SLX4IP: variants seen among roughly 807,000 people sequenced by gnomAD.
The protein encoded by SLX4IP is protein SLX4IP.
A neutral mutation model predicts 32.9 loss-of-function variants in SLX4IP; 34 were observed. That is an observed-to-expected ratio of 1.03 (90% CI 0.79 to 1.38). The LOEUF (loss-of-function observed/expected upper bound fraction) is 1.38. Among genes scored for constraint, SLX4IP ranks in the 40% most tolerant of loss-of-function variants. SLX4IP has a pLI of 0.00. For missense variants in SLX4IP, 444 were observed against 479.0 expected (o/e 0.93, Z 0.68); for synonymous variants, 172 against 171.7 (o/e 1.00, Z -0.01).
At chr20:10,557,510 A>G (rs934295369) in intron 3 of SLX4IP, among the ~76,000 whole-genome samples, 23 of 152,202 alleles carry the variant, frequency 1.5e-4, no homozygotes, top group Admixed American at 2.6e-4. Context: ...TTACCTTCAT[A>G]TAATTCCACT....
intron 4 of SLX4IP, among the ~76,000 whole-genome samples, chr20:10,561,910 C>A (rs1294645230): frequency 1.3e-5 from 2 of 152,146 alleles, no homozygotes; most frequent in East Asian, 1.9e-4. Flanking sequence ...TTGGGCTCAT[C>A]CGTGTTGCTA....
chr20:10,509,696 AT>A lies in SLX4IP; in HGVS notation c.28-46519del, dbSNP rs1168309591. On this transcript the variant is annotated intron_variant, in intron 2 of 7. Transcript: ENST00000334534. ...GGTCCCGCATTGGGATGATGAATAC[AT>A]TTTTTTTTTTTTTTTAAGCCACAGA... Among the ~76,000 whole-genome samples the A allele has an allele frequency of 7.0e-3, 999 of 142,636 alleles. 1 individual carries two copies. Among genetic ancestry groups the A allele is most frequent in the East Asian group, 7.9e-3 (39 of 4,924 alleles). The allele number at this position is 142,636 out of a possible 152,430, so 93.6% of individuals were successfully genotyped here.
chr20:10,561,347 A>G (rs192229639), intron 4 of SLX4IP, among the ~76,000 whole-genome samples: 23 of 152,110 alleles, frequency 1.5e-4, no homozygotes, highest in Admixed American at 7.2e-4. Context: ...GTAGTCTTAT[A>G]TCCATTAGCT....
intron 2 of SLX4IP, among the ~76,000 whole-genome samples, chr20:10,480,117 G>T (rs1180521505): frequency 1.3e-5 from 2 of 152,136 alleles, no homozygotes; most frequent in African/African-American, 4.8e-5. Flanking sequence ...CACTCGGTTG[G>T]GTGCGGTGGC....
chr20:10,450,755 T>G (rs928858816), intron 1 of SLX4IP, among the ~76,000 whole-genome samples: 1 of 152,220 alleles, frequency 6.6e-6, no homozygotes, highest in African/African-American at 2.4e-5. Context: ...GCCTAGTGGT[T>G]TTTTTGTTTG....
At chr20:10,557,038 G>C (rs2066273898) in intron 3 of SLX4IP, among the ~76,000 whole-genome samples, 1 of 152,168 alleles carries the variant, frequency 6.6e-6, no homozygotes, top group African/African-American at 2.4e-5. Flanking sequence ...TCTGATCCCT[G>C]CTCACCAGAG....
chr20:10,452,504 A>G (rs934797253), intron 1 of SLX4IP, among the ~76,000 whole-genome samples: 2 of 151,692 alleles, frequency 1.3e-5, no homozygotes, highest in Non-Finnish European at 2.9e-5. Flanking sequence ...TGTCTCTACT[A>G]AAAATACATA....
At chr20:10,463,451 C>T (rs1358279525) in intron 2 of SLX4IP, among the ~76,000 whole-genome samples, 1 of 152,058 alleles carries the variant, frequency 6.6e-6, no homozygotes, top group Non-Finnish European at 1.5e-5. Flanking sequence ...TCAGAGAGAC[C>T]TTGCTGCTGC....
intron 2 of SLX4IP, among the ~76,000 whole-genome samples, chr20:10,485,365 G>A (rs1183075881): frequency 6.6e-6 from 1 of 152,106 alleles, no homozygotes; most frequent in Non-Finnish European, 1.5e-5. Flanking sequence ...CACTTTGGGA[G>A]GCTGAGGCTG....
chr20:10,504,964 A>G (rs1852366330), intron 2 of SLX4IP, among the ~76,000 whole-genome samples: 1 of 152,260 alleles, frequency 6.6e-6, no homozygotes, highest in Admixed American at 6.5e-5. Flanking sequence ...CAGGAAAAAA[A>G]AAAATTTAAT....
chr20:10,625,971 G>A lies in SLX4IP; in HGVS notation c.*2592G>A, dbSNP rs1203839537. The stretch of plus-strand genomic sequence containing the variant: ...TGTTGCTTATTAGGTAGGATATGAA[G>A]AGTTCTCACTGTTGGGAATGGTATG... On this transcript the variant is annotated 3_prime_UTR_variant, in exon 8 of 8. Transcript: ENST00000334534. The A allele has an allele frequency of 6.7e-6, 1 of 149,920 alleles. No individual in the cohort carries two copies. Among genetic ancestry groups the A allele is most frequent in the African/African-American group, 2.4e-5 (1 of 40,838 alleles). 9.3% of individuals were successfully genotyped at this position (149,920 alleles called of 1,614,324 possible).
chr20:10,621,471 T>A, intron 7 of SLX4IP, 57 bp downstream of exon 7: 7 of 1,452,644 alleles, frequency 4.8e-6, no homozygotes, highest in South Asian at 1.2e-5. Context: ...TATGGATAGA[T>A]AACATGAAGT....
At chr20:10,450,993 C>T (rs1244246865) in intron 1 of SLX4IP, among the ~76,000 whole-genome samples, 1 of 152,086 alleles carries the variant, frequency 6.6e-6, no homozygotes, top group East Asian at 1.9e-4. Context: ...ACCTCTTGAT[C>T]CGCCTGCCTC....
intron 2 of SLX4IP, among the ~76,000 whole-genome samples, chr20:10,522,832 C>A (rs977718947): frequency 1.3e-5 from 2 of 152,206 alleles, no homozygotes; most frequent in Non-Finnish European, 2.9e-5. Flanking sequence ...CCCCATGGCA[C>A]AGCCTGTTGC....
At chr20:10,493,812 T>C (rs2065645003) in intron 2 of SLX4IP, among the ~76,000 whole-genome samples, 1 of 151,626 alleles carries the variant, frequency 6.6e-6, no homozygotes, top group Admixed American at 6.6e-5. Flanking sequence ...CTATGTTGTC[T>C]TGAAAATGAG....
At chr20:10,515,448 A>G (rs928454404) in intron 2 of SLX4IP, among the ~76,000 whole-genome samples, 6 of 152,162 alleles carry the variant, frequency 3.9e-5, no homozygotes, top group African/African-American at 1.4e-4. Flanking sequence ...GAAGTGATAT[A>G]GTTGCTTTCC....
At chr20:10,472,198 A>C (rs1473614181) in intron 2 of SLX4IP, among the ~76,000 whole-genome samples, 1 of 150,196 alleles carries the variant, frequency 6.7e-6, no homozygotes, top group Non-Finnish European at 1.5e-5. Context: ...GGAGTTTCTA[A>C]GGGCCTGTCA....
intron 4 of SLX4IP, among the ~76,000 whole-genome samples, chr20:10,583,524 G>T (rs1427307608): frequency 6.6e-6 from 1 of 152,086 alleles, no homozygotes; most frequent in Non-Finnish European, 1.5e-5. Flanking sequence ...CCCACATTTG[G>T]ATTTGGCTGG....
intron 2 of SLX4IP, among the ~76,000 whole-genome samples, chr20:10,515,534 A>C (rs1044578219): frequency 6.6e-6 from 1 of 152,244 alleles, no homozygotes; most frequent in African/African-American, 2.4e-5. Context: ...GTTTTGGCTT[A>C]TTTAAAAGTG....
Sources: gnomAD v4.1 joint callset for allele counts (sites outside exome capture counted in the v4.1 genomes callset) on GRCh38, gnomAD v4.1.1 for gene constraint, MANE v1.5 for transcripts, NCBI Gene and HGNC (gene_info 2026-07-23, HGNC 2026-07-21) for gene names.